The following IFT46 variants were observed in gnomAD, a reference collection of about 807,000 sequenced individuals.
The protein encoded by IFT46 is intraflagellar transport 46, also known as intraflagellar transport protein 46 homolog.
In IFT46, 19 loss-of-function variants were observed where a neutral mutation model predicts 39.6. The ratio of observed to expected loss-of-function variants is 0.48; its 90% CI spans 0.33 to 0.70. The LOEUF is 0.70. Ranked by LOEUF, IFT46 falls within the 30% of genes least tolerant of loss-of-function variation. IFT46 has a pLI of 0.01. For synonymous variants in IFT46, 117 were observed against 134.8 expected, an observed-to-expected ratio of 0.87 and a Z score of 0.91; for missense variants, 334 against 364.8, an observed-to-expected ratio of 0.92 and a Z score of 0.69.
At chr11:118,572,655 A>T in exon 1 of IFT46, 4 of 1,444,830 alleles carry the variant, frequency 2.8e-6, no homozygotes, top group Non-Finnish European at 3.8e-6. Flanking sequence ...CTGAGGGTCT[A>T]GGGCAGAGTG....
chr11:118,576,843 A>T (rs530318089), upstream of IFT46, among the ~76,000 whole-genome samples: 1 of 152,128 alleles, frequency 6.6e-6, no homozygotes, highest in Non-Finnish European at 1.5e-5. Context: ...ACTCAAAGAG[A>T]GACATATGAT....
At chr11:118,574,296 G>A (rs1045375890), upstream of IFT46, among the ~76,000 whole-genome samples, 6 of 152,040 alleles carry the variant, frequency 3.9e-5, no homozygotes, top group Admixed American at 1.3e-4. Context: ...TAATGTTTTT[G>A]GGTCCTGCTC....
intron 11 of IFT46, 121 bp from the exon 12 acceptor site, chr11:118,545,132 G>C (rs3741320): frequency 0.16 from 127,995 of 800,556 alleles, 13,942 homozygotes; most frequent in East Asian, 0.46. Flanking sequence ...ATTCATGAGG[G>C]AACTTGGTTC....
chr11:118,564,277 C>T (rs1938155833), intron 2 of IFT46, among the ~76,000 whole-genome samples: 2 of 151,308 alleles, frequency 1.3e-5, no homozygotes, highest in Non-Finnish European at 2.9e-5. Flanking sequence ...CATCAGTGTG[C>T]ACTTACCACA....
At chr11:118,564,188 CAAAAAAAAAAAAA>C (rs34442295) in intron 2 of IFT46, among the ~76,000 whole-genome samples, 2 of 55,104 alleles carry the variant, frequency 3.6e-5, no homozygotes, top group South Asian at 6.4e-4. Flanking sequence ...GACTCTGTCT[CAAAAAAAAAAAAA>C]AAAAAAAAAA....
At chr11:118,553,452 A>G (rs960961623) in intron 7 of IFT46, among the ~76,000 whole-genome samples, 4 of 152,144 alleles carry the variant, frequency 2.6e-5, no homozygotes, top group Admixed American at 6.6e-5. Flanking sequence ...AAAAAAAAAA[A>G]AAGAAATACC....
In IFT46 at chr11:118,559,043, T is replaced by G. The variant is rs546858337; in HGVS notation, c.45+742A>C. Among the ~76,000 whole-genome samples, 24 of 151,518 alleles carry G rather than the reference T, an allele frequency of 1.6e-4. No individual in the cohort carries two copies. In the South Asian group the frequency reaches 5.0e-3, roughly 32 times the overall value. On this transcript the variant is annotated intron_variant, in intron 3 of 11. Coordinates refer to ENST00000264021, the MANE Select transcript of IFT46 (RefSeq NM_001168618.2). ...CACCACGCCCAGCTAATTTTTTGTA[T>G]TTTTATTAGAGATGGGGTTTCGCCA... is the stretch of plus-strand genomic sequence containing the variant.
intron 9 of IFT46, among the ~76,000 whole-genome samples, chr11:118,549,821 C>T (rs886183482): frequency 2.0e-5 from 3 of 151,750 alleles, no homozygotes; most frequent in African/African-American, 7.3e-5. Context: ...CTGTGGCTGG[C>T]CTTTTCTTTT....
chr11:118,555,363 G>T, intron 4 of IFT46, 41 bp from the exon 5 acceptor site: 2 of 1,501,284 alleles, frequency 1.3e-6, no homozygotes, highest in South Asian at 2.3e-5. Context: ...GGCCAGAGAA[G>T]AGCAGAGGTG....
intron 9 of IFT46, chr11:118,546,785 T>G (rs1023826353): frequency 6.6e-6 from 1 of 152,528 alleles, no homozygotes; most frequent in Non-Finnish European, 1.5e-5. Flanking sequence ...TTAACAGTTA[T>G]ATATGCATTA....
intron 3 of IFT46, chr11:118,557,390 C>CA: frequency 2.5e-6 from 1 of 392,678 alleles, no homozygotes; most frequent in African/African-American, 2.1e-5. Flanking sequence ...AGGATGGCAA[C>CA]TCTAGTTATT....
At chr11:118,576,109 C>G (rs1938492792), upstream of IFT46, among the ~76,000 whole-genome samples, 1 of 151,842 alleles carries the variant, frequency 6.6e-6, no homozygotes, top group Non-Finnish European at 1.5e-5. Context: ...AGTGACTTAT[C>G]CAAGGTCACA....
chr11:118,547,945 A>G (rs1398698919), intron 9 of IFT46, among the ~76,000 whole-genome samples: 1 of 146,032 alleles, frequency 6.8e-6, no homozygotes, highest in African/African-American at 2.6e-5. Context: ...ACGGGGTTTC[A>G]CCATGTTAGC....
At chr11:118,546,426 G>C in intron 9 of IFT46, 1 of 424,002 alleles carries the variant, frequency 2.4e-6, no homozygotes. Context: ...AGCAGGTTGA[G>C]GCTGCAGTGA....
At chr11:118,559,741 A>G in intron 3 of IFT46, 44 bp downstream of exon 3, 1 of 1,540,614 alleles carries the variant, frequency 6.5e-7, no homozygotes. Flanking sequence ...ACTACTAAAA[A>G]CCCAAAGCAG....
At chr11:118,545,074 A>C in intron 11 of IFT46, 63 bp from the exon 12 acceptor site, 1 of 1,189,366 alleles carries the variant, frequency 8.4e-7, no homozygotes, top group Admixed American at 2.0e-5. Flanking sequence ...TATTTTAACA[A>C]GAATTAATTT....
intron 4 of IFT46, 66 bp from the exon 5 acceptor site, chr11:118,555,388 G>T (rs1419871725): frequency 8.3e-6 from 10 of 1,198,542 alleles, no homozygotes; most frequent in Admixed American, 1.7e-5. Flanking sequence ...GGTCCTAGGT[G>T]CTGGTGTGTT....
At chr11:118,561,377 G>GT (rs1555070550) in intron 2 of IFT46, 10 of 849,588 alleles carry the variant, frequency 1.2e-5, no homozygotes, top group East Asian at 2.4e-5. Flanking sequence ...AAAGAAGAGC[G>GT]TAACTCCAGA....
At chr11:118,576,393 C>G (rs1414252568), upstream of IFT46, among the ~76,000 whole-genome samples, 1 of 120,808 alleles carries the variant, frequency 8.3e-6, no homozygotes, top group Non-Finnish European at 1.6e-5. Flanking sequence ...TTGCAAGTTC[C>G]TTTTAGATCT....
Sources: gnomAD v4.1 joint callset for allele counts (sites outside exome capture counted in the v4.1 genomes callset) on GRCh38, gnomAD v4.1.1 for gene constraint, MANE v1.5 for transcripts, NCBI Gene and HGNC (gene_info 2026-07-23, HGNC 2026-07-21) for gene names.